Variants in TINAG observed in about 807,000 individuals in gnomAD.
The protein encoded by TINAG is tubulointerstitial nephritis antigen.
A neutral mutation model predicts 72.7 loss-of-function variants in TINAG; 83 were observed. The observed-to-expected ratio is 1.14, with a 90% CI of 0.96 to 1.37. The LOEUF is 1.37. Among genes scored for constraint, TINAG ranks in the 40% most tolerant of loss-of-function variants. TINAG has a pLI of 0.00. For missense variants in TINAG, 685 were observed against 576.6 expected (o/e 1.19, Z -1.93); for synonymous variants, 234 against 189.9 (o/e 1.23, Z -1.91).
intron 5 of TINAG, among the ~76,000 whole-genome samples, chr6:54,344,163 C>T (rs1785066379): frequency 6.6e-6 from 1 of 152,116 alleles, no homozygotes; most frequent in Admixed American, 6.6e-5. Context: ...CAGTTTAAAG[C>T]CATTGAAGGA....
Position 54,310,018 on chromosome 6 carries a change from T to G in TINAG, c.355+1113T>G, listed in dbSNP as rs115371089. On this transcript the variant is annotated intron_variant, in intron 1 of 10. Coordinates refer to ENST00000259782, the MANE Select transcript of TINAG (RefSeq NM_014464.4). The stretch of plus-strand genomic sequence containing the variant: ...TTTACCAATAAACAGCTTTCCCTTC[T>G]TCCCTCCCTCCACACCTCCATCCTT... Among the ~76,000 whole-genome samples, 1,137 of 151,812 alleles carry G rather than the reference T, an allele frequency of 7.5e-3. 18 individuals carry two copies. Among genetic ancestry groups the G allele is most frequent in the African/African-American group, 0.025 (1,054 of 41,398 alleles).
At chr6:54,319,522 T>C (rs879457921) in intron 1 of TINAG, among the ~76,000 whole-genome samples, 1 of 152,126 alleles carries the variant, frequency 6.6e-6, no homozygotes, top group Non-Finnish European at 1.5e-5. Flanking sequence ...AATACATAAA[T>C]AATTAGATTC....
intron 4 of TINAG, among the ~76,000 whole-genome samples, chr6:54,328,780 G>T (rs1784668284): frequency 6.6e-6 from 1 of 151,828 alleles, no homozygotes; most frequent in South Asian, 2.1e-4. Context: ...GAACATAAAT[G>T]ACCTGATGGA....
In TINAG at chr6:54,376,147, G is replaced by A. The variant is rs1763770372; in HGVS notation, c.1251-4379G>A. Among the ~76,000 whole-genome samples, 3 of 152,144 alleles carry A rather than the reference G, an allele frequency of 2.0e-5. No individual in the cohort carries two copies. The South Asian group carries it at 6.2e-4, about 31-fold the overall frequency. On this transcript the variant is annotated intron_variant, in intron 9 of 10. Coordinates refer to ENST00000259782, the MANE Select transcript of TINAG (RefSeq NM_014464.4). Reference sequence around the variant, plus strand: ...AAATTTCTACTCAACTCTGAACAAAGTCATCTTTGCCTTTGGCGGAGAGTT... The same window carrying A: ...AAATTTCTACTCAACTCTGAACAAAATCATCTTTGCCTTTGGCGGAGAGTT...
chr6:54,382,311 A>G (rs1412007336), intron 10 of TINAG, among the ~76,000 whole-genome samples: 5 of 152,086 alleles, frequency 3.3e-5, no homozygotes, highest in Admixed American at 3.3e-4. Flanking sequence ...TGTTCTCCTC[A>G]TGAGTCAGGA....
At position 54,354,634 on chromosome 6, in the gene TINAG, T is replaced by A. The variant is rs1390654413; in HGVS notation, c.1248T>A (p.Thr416=). Residue 416 remains threonine, a splice_region_variant and synonymous_variant, in exon 9 of 11, where the codon ACT becomes ACA. Transcript: ENST00000259782. ...TTCAGACACATGCAGTCAAACTCAC[T>A]GGGTAAGGCAATTAAACAAAATTCA... The part of the protein sequence containing the change: ...RKLQTHAVKL[T]GWGTLRGAQG... 1 of 1,602,362 alleles carries A rather than the reference T, an allele frequency of 6.2e-7. No individual in the cohort carries two copies. The highest frequency in any genetic ancestry group is 1.3e-5 in the African/African-American group (1 of 74,128).
At chr6:54,310,633 TTCC>T (rs1784223731) in intron 1 of TINAG, among the ~76,000 whole-genome samples, 4 of 148,466 alleles carry the variant, frequency 2.7e-5, no homozygotes, top group African/African-American at 1.0e-4. Context: ...CCTTCCTTCC[TTCC>T]TCCCTCTCTT....
intron 4 of TINAG, among the ~76,000 whole-genome samples, chr6:54,327,930 G>A (rs527565964): frequency 6.6e-6 from 1 of 152,248 alleles, no homozygotes; most frequent in East Asian, 1.9e-4. Flanking sequence ...CCTCCTGTCT[G>A]GGCAGGGCAT....
chr6:54,370,056 C>T (rs1763557712), intron 9 of TINAG: 1 of 151,908 alleles, frequency 6.6e-6, no homozygotes, highest in Non-Finnish European at 1.5e-5. Context: ...CAGGAATGGC[C>T]TGTAGTGTGG....
At chr6:54,348,092 A>C (rs1785169010) in intron 6 of TINAG, among the ~76,000 whole-genome samples, 1 of 152,076 alleles carries the variant, frequency 6.6e-6, no homozygotes. Flanking sequence ...TAAAAAGCTG[A>C]GTTATTCAGC....
intron 9 of TINAG, among the ~76,000 whole-genome samples, chr6:54,380,118 T>A (rs189327061): frequency 8.5e-5 from 13 of 152,318 alleles, no homozygotes; most frequent in Admixed American, 6.5e-4. Flanking sequence ...CTCACTGTTT[T>A]TTATGGCTGC....
At chr6:54,314,387 G>T (rs1784325890) in intron 1 of TINAG, among the ~76,000 whole-genome samples, 1 of 152,108 alleles carries the variant, frequency 6.6e-6, no homozygotes, top group African/African-American at 2.4e-5. Flanking sequence ...GAAGGTTAGA[G>T]TTTCCACATT....
At chr6:54,344,378 C>T (rs1399967615) in intron 5 of TINAG, among the ~76,000 whole-genome samples, 5 of 152,146 alleles carry the variant, frequency 3.3e-5, no homozygotes, top group Admixed American at 2.0e-4. Context: ...CCCCACACCC[C>T]CTCTCTGGCT....
intron 10 of TINAG, among the ~76,000 whole-genome samples, chr6:54,380,846 C>T (rs191525063): frequency 5.6e-4 from 84 of 151,290 alleles, no homozygotes; most frequent in African/African-American, 1.7e-3. Context: ...CTATTATCTT[C>T]TATATTAAAC....
At chr6:54,349,251 A>C (rs1272396127) in intron 6 of TINAG, among the ~76,000 whole-genome samples, 1 of 151,970 alleles carries the variant, frequency 6.6e-6, no homozygotes, top group Non-Finnish European at 1.5e-5. Flanking sequence ...TACAAACACA[A>C]AAACAAAACA....
rs371957020 is a variant in TINAG, at chr6:54,349,908, T to C, written c.1080+12T>C. 122 of 1,520,338 alleles carry C rather than the reference T, an allele frequency of 8.0e-5. No individual in the cohort carries two copies. Among genetic ancestry groups the C allele is most frequent in the Non-Finnish European group, 1.1e-4 (121 of 1,124,246 alleles). 94.2% of individuals were successfully genotyped at this position (1,520,338 alleles called of 1,614,324 possible). On this transcript the variant is annotated intron_variant, in intron 7 of 10. Coordinates refer to ENST00000259782, the MANE Select transcript of TINAG (RefSeq NM_014464.4). Reference sequence around the variant, plus strand: ...GAGTCTCTTCCAACGTAAGTATAAATGGCAAGAATCAAGAATAGTTGGCTT... The same window carrying C: ...GAGTCTCTTCCAACGTAAGTATAAACGGCAAGAATCAAGAATAGTTGGCTT...
intron 10 of TINAG, 41 bp from the exon 11 acceptor site, chr6:54,389,750 A>C (rs1764194107): frequency 6.4e-7 from 1 of 1,554,900 alleles, no homozygotes; most frequent in Non-Finnish European, 8.6e-7. Context: ...AAAATACCAA[A>C]GTATGTTTCT....
intron 9 of TINAG, among the ~76,000 whole-genome samples, 193 bp from the exon 10 acceptor site, chr6:54,380,333 T>A (rs1011573273): frequency 9.2e-5 from 14 of 152,066 alleles, no homozygotes; most frequent in African/African-American, 3.4e-4. Flanking sequence ...TCTGTGCACA[T>A]AAATAATGTT....
chr6:54,337,453 C>T lies in TINAG; in HGVS notation c.625-5773C>T, dbSNP rs1301415713. On this transcript the variant is annotated intron_variant, in intron 4 of 10. Transcript: ENST00000259782. ...ATTTTTAGTAGAGACAGGGTTTTGC[C>T]ATGTTGGCCAGGCTGGTCTCGAACT... is the stretch of plus-strand genomic sequence containing the variant. Among the ~76,000 whole-genome samples the T allele has an allele frequency of 3.9e-5, 6 of 152,054 alleles. No individual in the cohort carries two copies. In the East Asian group the frequency reaches 9.7e-4, roughly 25 times the overall value.
Sources: gnomAD v4.1 joint callset for allele counts (sites outside exome capture counted in the v4.1 genomes callset) on GRCh38, gnomAD v4.1.1 for gene constraint, MANE v1.5 for transcripts, NCBI Gene and HGNC (gene_info 2026-07-23, HGNC 2026-07-21) for gene names.